SPAG16: variants seen among roughly 807,000 people sequenced by gnomAD.
SPAG16 encodes sperm-associated antigen 16 protein.
In SPAG16, 86 loss-of-function variants were observed where a neutral mutation model predicts 80.4. The ratio of observed to expected loss-of-function variants is 1.07; its 90% CI spans 0.90 to 1.28. The LOEUF (loss-of-function observed/expected upper bound fraction) is 1.28. SPAG16 is among the 50% of genes most tolerant of loss of function. The pLI, the probability that SPAG16 is intolerant of heterozygous loss-of-function variation, is 0.00. For synonymous variants in SPAG16, 294 were observed against 265.9 expected (o/e 1.11, Z -1.03); for missense variants, 870 against 765.3 (o/e 1.14, Z -1.61).
At chr2:214,139,779 G>A (rs897733768) in intron 14 of SPAG16, among the ~76,000 whole-genome samples, 1 of 152,136 alleles carries the variant, frequency 6.6e-6, no homozygotes. Context: ...TTTGAGGCCT[G>A]TTTGAAGCCC....
chr2:213,642,304 A>C (rs868704948), intron 10 of SPAG16, among the ~76,000 whole-genome samples: 4 of 152,282 alleles, frequency 2.6e-5, no homozygotes, highest in African/African-American at 9.6e-5. Context: ...GAATCTCCAC[A>C]TGCTAGTTCT....
At chr2:214,120,615 T>A (rs941483556) in intron 14 of SPAG16, among the ~76,000 whole-genome samples, 1 of 151,972 alleles carries the variant, frequency 6.6e-6, no homozygotes, top group South Asian at 2.1e-4. Flanking sequence ...TTGTACCCAA[T>A]GAGTAATTTT....
chr2:214,298,870 G>T (rs527643013), intron 15 of SPAG16, among the ~76,000 whole-genome samples: 1 of 152,260 alleles, frequency 6.6e-6, no homozygotes, highest in East Asian at 1.9e-4. Context: ...TGTGAGTCAG[G>T]ATTAGAGGAA....
chr2:214,128,064 C>A (rs141657667), intron 14 of SPAG16, among the ~76,000 whole-genome samples: 2 of 151,926 alleles, frequency 1.3e-5, no homozygotes, highest in South Asian at 4.1e-4. Flanking sequence ...AATCACCCAT[C>A]ATCATGGGTT....
chr2:213,949,403 G>A (rs1014426365), intron 12 of SPAG16, among the ~76,000 whole-genome samples: 2 of 152,036 alleles, frequency 1.3e-5, no homozygotes, highest in Middle Eastern at 3.4e-3. Context: ...TCTTGACCTC[G>A]TGATCTACCC....
At chr2:213,686,718 G>A (rs1412664582) in intron 10 of SPAG16, among the ~76,000 whole-genome samples, 14 of 108,766 alleles carry the variant, frequency 1.3e-4, no homozygotes, top group Non-Finnish European at 2.2e-4. Flanking sequence ...ACAGAGTCTC[G>A]CTCTGTCACC....
intron 11 of SPAG16, among the ~76,000 whole-genome samples, chr2:213,917,341 T>C (rs1272899852): frequency 6.6e-6 from 1 of 152,246 alleles, no homozygotes; most frequent in African/African-American, 2.4e-5. Flanking sequence ...AGAAATAGCA[T>C]TGAATCTATA....
At position 213,728,876 on chromosome 2, in the gene SPAG16, CAAAAAAAAAAAAAAAAAAAAAAAAAAAA is replaced by C. The variant is rs58070679; in HGVS notation, c.1071-133591_1071-133564del. ...TGGGCGACAGAGTGAGACTCCGTCT[CAAAAAAAAAAAAAAAAAAAAAAAAAAAA>C]AAAAAAAAAAAAAAAAAGATGATGG... On this transcript the variant is annotated intron_variant, in intron 10 of 15. Coordinates refer to ENST00000331683, the MANE Select transcript of SPAG16 (RefSeq NM_024532.5). 7.2e-4 allele frequency among the ~76,000 whole-genome samples: 42 copies of C among 58,464 alleles called. 1 individual carries two copies. The East Asian group carries it at 0.015, about 20-fold the overall frequency. 38.4% of individuals were successfully genotyped at this position (58,464 alleles called of 152,430 possible). A position where few individuals can be genotyped will look rare whatever the true frequency, so the allele number is the denominator to read the frequency against.
intron 9 of SPAG16, among the ~76,000 whole-genome samples, chr2:213,410,647 A>G (rs2068916203): frequency 6.6e-6 from 1 of 152,232 alleles, no homozygotes; most frequent in Admixed American, 6.5e-5. Context: ...AACTTTGGCA[A>G]TTAAGACAGG....
Position 213,945,327 on chromosome 2 carries a change from G to GTA in SPAG16, c.1400+15189_1400+15190dup, listed in dbSNP as rs567804192. 8.8e-3 allele frequency among the ~76,000 whole-genome samples: 1,293 copies of GTA among 146,302 alleles called. 28 individuals carry two copies. Among genetic ancestry groups the GTA allele is most frequent in the African/African-American group, 0.031 (1,232 of 39,706 alleles). ...CAAGTATATATATGTGTGTGTTTGTGTATATATAGTATATATATATGTGGG... is the reference window on the plus strand; with the variant it reads ...CAAGTATATATATGTGTGTGTTTGTGTATATATATAGTATATATATATGTGGG... On this transcript the variant is annotated intron_variant, in intron 12 of 15. Coordinates refer to ENST00000331683, the MANE Select transcript of SPAG16 (RefSeq NM_024532.5).
rs77539325 is a variant in SPAG16, at chr2:213,937,685, G to A, written c.1400+7540G>A. 4.9e-3 allele frequency among the ~76,000 whole-genome samples: 747 copies of A among 151,870 alleles called. 5 individuals carry two copies. Among genetic ancestry groups the A allele is most frequent in the African/African-American group, 0.016 (683 of 41,460 alleles). On this transcript the variant is annotated intron_variant, in intron 12 of 15. Coordinates refer to ENST00000331683, the MANE Select transcript of SPAG16 (RefSeq NM_024532.5). ...CCCCCCAAAAGTGCATAATTAATAA[G>A]CACTATTCAAGAAATATCTACCTTA...
At chr2:213,757,378 C>T (rs1352735935) in intron 10 of SPAG16, among the ~76,000 whole-genome samples, 20 of 151,464 alleles carry the variant, frequency 1.3e-4, no homozygotes, top group Admixed American at 7.2e-4. Flanking sequence ...CATATGCAAC[C>T]GCAGAGAACC....
At chr2:213,677,865 G>T (rs1474226764) in intron 10 of SPAG16, among the ~76,000 whole-genome samples, 1 of 152,036 alleles carries the variant, frequency 6.6e-6, no homozygotes, top group Non-Finnish European at 1.5e-5. Context: ...CACATAGTTG[G>T]AAGTAAAGCT....
Position 213,921,578 on chromosome 2 carries a change from G to T in SPAG16, c.1215-8382G>T, listed in dbSNP as rs181113098. 8.3e-4 allele frequency among the ~76,000 whole-genome samples: 126 copies of T among 152,272 alleles called. 1 individual carries two copies. Among genetic ancestry groups the T allele is most frequent in the African/African-American group, 3.0e-3 (124 of 41,570 alleles). On this transcript the variant is annotated intron_variant, in intron 11 of 15. Coordinates refer to ENST00000331683, the MANE Select transcript of SPAG16 (RefSeq NM_024532.5). ...ACGAATTTGATCCTGTCATCATATT[G>T]TTAGCTGGTTATTATGCAGACTTGT...
intron 9 of SPAG16, 34 bp from the exon 10 acceptor site, chr2:213,489,929 T>A: frequency 6.4e-7 from 1 of 1,555,694 alleles, no homozygotes; most frequent in Non-Finnish European, 8.7e-7. Context: ...TTTTGATATT[T>A]AACACAGAGC....
intron 10 of SPAG16, among the ~76,000 whole-genome samples, chr2:213,819,465 C>T (rs1458350597): frequency 6.6e-6 from 1 of 152,116 alleles, no homozygotes; most frequent in Non-Finnish European, 1.5e-5. Flanking sequence ...ATTTTATGTT[C>T]ACTCTTATAT....
intron 9 of SPAG16, among the ~76,000 whole-genome samples, chr2:213,473,024 G>T (rs934810508): frequency 6.6e-6 from 1 of 152,102 alleles, no homozygotes; most frequent in African/African-American, 2.4e-5. Context: ...CTGTAAACTG[G>T]CTCAAGTCTG....
chr2:214,168,046 A>G (rs1402548883), intron 15 of SPAG16, among the ~76,000 whole-genome samples: 1 of 140,120 alleles, frequency 7.1e-6, no homozygotes, highest in Non-Finnish European at 1.5e-5. Flanking sequence ...GCTAAAGTGC[A>G]GTGGTGCCAT....
At chr2:214,342,993 AT>A in intron 15 of SPAG16, among the ~76,000 whole-genome samples, 1 of 152,256 alleles carries the variant, frequency 6.6e-6, no homozygotes, top group South Asian at 2.1e-4. Context: ...GATTTGGGAG[AT>A]GATGGAAAAA....
Sources: gnomAD v4.1 joint callset for allele counts (sites outside exome capture counted in the v4.1 genomes callset) on GRCh38, gnomAD v4.1.1 for gene constraint, MANE v1.5 for transcripts, NCBI Gene and HGNC (gene_info 2026-07-23, HGNC 2026-07-21) for gene names.